The following RAVER1 variants were observed in gnomAD, a reference collection of about 807,000 sequenced individuals.
RAVER1 encodes ribonucleoprotein, PTB binding 1.
RAVER1 carries 36 observed loss-of-function variants against 68.4 expected under a neutral mutation model. The ratio of observed to expected loss-of-function variants is 0.53; its 90% CI spans 0.40 to 0.70. The LOEUF (loss-of-function observed/expected upper bound fraction) is 0.70. Ranked by LOEUF, RAVER1 falls within the 30% of genes least tolerant of loss-of-function variation. The pLI is 0.00. For missense variants in RAVER1, 933 were observed against 1,019.8 expected, an observed-to-expected ratio of 0.91 and a Z score of 1.16; for synonymous variants, 469 against 472.7, an observed-to-expected ratio of 0.99 and a Z score of 0.10.
At chr19:10,318,655 C>T (rs888795360) in intron 10 of RAVER1, among the ~76,000 whole-genome samples, 3 of 152,280 alleles carry the variant, frequency 2.0e-5, no homozygotes, top group South Asian at 2.1e-4. Flanking sequence ...CCACCATGCC[C>T]GGCAGTTCTG....
In RAVER1 at chr19:10,323,705, C is replaced by T. The variant is rs981280125; in HGVS notation, c.757-139G>A. ...GGCCTCCACTGCCCTGTGCCTCATT[C>T]CTGCATCAGCTCATCTGATTTTCCC... On this transcript the variant is annotated intron_variant, in intron 3 of 12. Transcript: ENST00000617231. The surrounding 1 kb of genome is among the most constrained non-coding windows in gnomAD (Gnocchi z 6.2). The T allele has an allele frequency of 1.1e-4, 93 of 828,602 alleles. No homozygotes were observed. Among genetic ancestry groups the T allele is most frequent in the Middle Eastern group, 1.1e-3 (3 of 2,794 alleles). The allele number at this position is 828,602 out of a possible 1,614,324, so 51.3% of individuals were successfully genotyped here. A position where few individuals can be genotyped will look rare whatever the true frequency, so the allele number is the denominator to read the frequency against.
Position 10,321,185 on chromosome 19 carries a change from C to T in RAVER1, c.1336G>A (p.Ala446Thr). ...CCCAGGGCCTCCCGGTCACCCCCAG[C>T]AGGGCCAAGCACGGATGGCAGCAGG... is the stretch of plus-strand genomic sequence containing the variant. ...PPLLPSVLGP[A>T]GGDREALGLG... The change falls in exon 8 of 13, where the codon GCT becomes ACT. Residue 446 changes from alanine (A) to threonine (T), a missense_variant. Coordinates refer to ENST00000617231, the MANE Select transcript of RAVER1 (RefSeq NM_133452.3). The T allele has an allele frequency of 4.7e-6, 6 of 1,288,730 alleles. No individual in the cohort carries two copies. The highest frequency in any genetic ancestry group is 5.9e-6 in the Non-Finnish European group (6 of 1,015,390). 79.8% of individuals were successfully genotyped at this position (1,288,730 alleles called of 1,614,324 possible).
At chr19:10,324,622 G>A (rs58091133) in intron 3 of RAVER1, among the ~76,000 whole-genome samples, 1 of 152,082 alleles carries the variant, frequency 6.6e-6, no homozygotes, top group Non-Finnish European at 1.5e-5. Context: ...CAAGCGATCC[G>A]CCTGCCTTGG....
At position 10,329,539 on chromosome 19, in the gene RAVER1, A is replaced by G. The variant is rs1307958859; in HGVS notation, c.287-428T>C. Among the ~76,000 whole-genome samples, 1 of 152,042 alleles carries G rather than the reference A, an allele frequency of 6.6e-6. No individual in the cohort carries two copies. The highest frequency in any genetic ancestry group is 1.5e-5 in the Non-Finnish European group (1 of 68,004). On this transcript the variant is annotated intron_variant, in intron 2 of 12. Coordinates refer to ENST00000617231, the MANE Select transcript of RAVER1 (RefSeq NM_133452.3). This position sits in a 1 kb window ranked among gnomAD's most constrained non-coding sequence, Gnocchi z 4.6. ...CATCACAATCACCATTTTGCCAGAGAGGAAACGGGCCCAGAGCAGCACCCC... is the reference window on the plus strand; with the variant it reads ...CATCACAATCACCATTTTGCCAGAGGGGAAACGGGCCCAGAGCAGCACCCC...
intron 9 of RAVER1, among the ~76,000 whole-genome samples, chr19:10,320,232 G>A (rs1026570085): frequency 5.9e-5 from 9 of 151,962 alleles, no homozygotes; most frequent in Admixed American, 3.3e-4. Context: ...GGCTGGGCGC[G>A]GTGGCTCTTG....
At chr19:10,330,021 G>A (rs2040501893) in intron 2 of RAVER1, among the ~76,000 whole-genome samples, 1 of 151,968 alleles carries the variant, frequency 6.6e-6, no homozygotes, top group Non-Finnish European at 1.5e-5. Flanking sequence ...TACTCGGGAG[G>A]CTGAAGCAGG....
intron 2 of RAVER1, 108 bp downstream of exon 2, chr19:10,330,352 G>A (rs1291066402): frequency 8.2e-6 from 5 of 608,748 alleles, no homozygotes; most frequent in South Asian, 5.9e-5. Flanking sequence ...ATGTTGGCCT[G>A]GGGGGCAATA....
Position 10,323,488 on chromosome 19 carries a change from G to T in RAVER1, c.835C>A (p.Gln279Lys). 6.2e-7 allele frequency: 1 copy of T among 1,609,724 alleles called. No individual in the cohort carries two copies. ...AGGGACAGGCCGTCCGCCTGCTGCTGTGCCTCCTCCGCCATCTCAGCCGTC... is the reference window on the plus strand; with the variant it reads ...AGGGACAGGCCGTCCGCCTGCTGCTTTGCCTCCTCCGCCATCTCAGCCGTC... ...YETAEMAEEA[Q>K]QQADGLSLGG... is the part of the protein sequence containing the mutation. The change falls in exon 4 of 13, where the codon CAG becomes AAG. Residue 279 changes from glutamine (Q) to lysine (K), a missense_variant. Physicochemically the swap from Gln to Lys is moderately conservative, Grantham distance 53 (BLOSUM62 1). This residue lies in a region of RAVER1 where 699 missense variants were observed against 731.1 expected (regional missense o/e 0.96). Coordinates refer to ENST00000617231, the MANE Select transcript of RAVER1 (RefSeq NM_133452.3). This position sits in a 1 kb window ranked among gnomAD's most constrained non-coding sequence, Gnocchi z 6.2.
At chr19:10,330,939 C>G (rs1004789695) in intron 1 of RAVER1, among the ~76,000 whole-genome samples, 3 of 151,930 alleles carry the variant, frequency 2.0e-5, no homozygotes, top group Non-Finnish European at 4.4e-5. Flanking sequence ...TGGCGCACAC[C>G]TGTAATCCTA....
In RAVER1 at chr19:10,322,576, C is replaced by T. The variant is rs574126348; in HGVS notation, c.1173+69G>A. The stretch of plus-strand genomic sequence containing the variant: ...CCAGAGGTCCCCCCACCCCACCGAT[C>T]GCACCAGCTGTGTTGAAAAGAGCCT... On this transcript the variant is annotated intron_variant, in intron 6 of 12. Transcript: ENST00000617231. The surrounding 1 kb of genome is among the most constrained non-coding windows in gnomAD (Gnocchi z 4.3). The T allele has an allele frequency of 2.0e-5, 23 of 1,152,476 alleles. No individual in the cohort carries two copies. Among genetic ancestry groups the T allele is most frequent in the East Asian group, 1.5e-4 (5 of 32,750 alleles). 71.4% of individuals were successfully genotyped at this position (1,152,476 alleles called of 1,614,324 possible). A position where few individuals can be genotyped will look rare whatever the true frequency, so the allele number is the denominator to read the frequency against.
At position 10,333,023 on chromosome 19, in the gene RAVER1, C is replaced by T. The variant is rs182959130; in HGVS notation, c.219+266G>A. ...AGGACCAAAGCTGTCCGCCCCCTTC[C>T]ATTCCCCGCCCGCTTCCATCACTTG... On this transcript the variant is annotated intron_variant, in intron 1 of 12. Transcript: ENST00000617231. The surrounding 1 kb of genome is among the most constrained non-coding windows in gnomAD (Gnocchi z 4.2). 1.3e-5 allele frequency among the ~76,000 whole-genome samples: 2 copies of T among 152,294 alleles called. No individual in the cohort carries two copies. The highest frequency in any genetic ancestry group is 4.8e-5 in the African/African-American group (2 of 41,572).
In RAVER1 at chr19:10,317,484, G is replaced by A. The variant is rs1416191058; in HGVS notation, c.2190C>T (p.Asp730=). ...AAATCCTCTTCCGCTTCAGGTAGGA[G>A]TCCGCGTAGTGGCCGCCGAGGCCCT... is the stretch of plus-strand genomic sequence containing the variant. ...HSQGLGGHYA[D]SYLKRKRIF is the part of the protein sequence containing the mutation. The change falls in exon 13 of 13, where the codon GAC becomes GAT. Residue 730 remains aspartate (D), a synonymous_variant. Coordinates refer to ENST00000617231, the MANE Select transcript of RAVER1 (RefSeq NM_133452.3). The surrounding 1 kb of genome is among the most constrained non-coding windows in gnomAD (Gnocchi z 4.3). 6.2e-6 allele frequency: 10 copies of A among 1,613,756 alleles called. No individual in the cohort carries two copies. Among genetic ancestry groups the A allele is most frequent in the Non-Finnish European group, 8.5e-6 (10 of 1,179,730 alleles).
chr19:10,332,109 C>T (rs974555142), intron 1 of RAVER1, among the ~76,000 whole-genome samples: 5 of 152,194 alleles, frequency 3.3e-5, no homozygotes, highest in Non-Finnish European at 5.9e-5. Flanking sequence ...ATCCTCCCAC[C>T]TCAGCCTCCT....
At position 10,320,838 on chromosome 19, in the gene RAVER1, C is replaced by A. The variant is rs1309246156; in HGVS notation, c.1587G>T (p.Trp529Cys). Residue 529 changes from tryptophan (W) to cysteine (C), a missense_variant, in exon 9 of 13, where the codon TGG becomes TGT. Trp to Cys is a radical substitution (Grantham distance 215). Coordinates refer to ENST00000617231, the MANE Select transcript of RAVER1 (RefSeq NM_133452.3). ...GGCGGCGGCTTCTCCCGGCGCCTCC[C>A]CAGCCCCGGGCCTCCTTACCCGCCA... ...SNLAGKEARG[W>C]GGAGRSRRPA... is the part of the protein sequence containing the mutation. 3 of 1,517,396 alleles carry A rather than the reference C, an allele frequency of 2.0e-6. No homozygotes were observed. The highest frequency in any genetic ancestry group is 1.3e-5 in the South Asian group (1 of 77,042). The allele number at this position is 1,517,396 out of a possible 1,614,324, so 94.0% of individuals were successfully genotyped here. A position where few individuals can be genotyped will look rare whatever the true frequency, so the allele number is the denominator to read the frequency against.
At chr19:10,321,492 A>G in intron 7 of RAVER1, 39 bp downstream of exon 7, 2 of 1,326,428 alleles carry the variant, frequency 1.5e-6, no homozygotes, top group Non-Finnish European at 9.7e-7. Context: ...AGGAAGGGGA[A>G]GTGGCTGGGG....
In RAVER1 at chr19:10,323,939, G is replaced by A. The variant is rs571873896; in HGVS notation, c.757-373C>T. 3.9e-4 allele frequency among the ~76,000 whole-genome samples: 60 copies of A among 152,136 alleles called. No homozygotes were observed. Among genetic ancestry groups the A allele is most frequent in the African/African-American group, 1.3e-3 (53 of 41,506 alleles). On this transcript the variant is annotated intron_variant, in intron 3 of 12. Transcript: ENST00000617231. This position sits in a 1 kb window ranked among gnomAD's most constrained non-coding sequence, Gnocchi z 6.2. ...CGAGGCGGGCAGATAACCTGAGGTCGGGAGTTCGAGACCAGCCTGACCAAC... is the reference window on the plus strand; with the variant it reads ...CGAGGCGGGCAGATAACCTGAGGTCAGGAGTTCGAGACCAGCCTGACCAAC...
chr19:10,329,238 G>A lies in RAVER1; in HGVS notation c.287-127C>T, dbSNP rs1261304051. The A allele has an allele frequency of 3.1e-5, 20 of 639,106 alleles. 1 individual carries two copies. The highest frequency in any genetic ancestry group is 4.5e-5 in the Non-Finnish European group (17 of 376,750). 39.6% of individuals were successfully genotyped at this position (639,106 alleles called of 1,614,324 possible). On this transcript the variant is annotated intron_variant, in intron 2 of 12. Transcript: ENST00000617231. This position sits in a 1 kb window ranked among gnomAD's most constrained non-coding sequence, Gnocchi z 4.6. ...TCTCAGGTGCCTGCTGATCTGAGCA[G>A]TTGCCAGCCTTGGCGACTCACACAG...
intron 3 of RAVER1, among the ~76,000 whole-genome samples, chr19:10,324,298 G>A (rs994230925): frequency 2.6e-5 from 4 of 152,186 alleles, no homozygotes; most frequent in African/African-American, 9.7e-5. Context: ...GGCAGCAAAG[G>A]TGCAGGTAGC....
Position 10,320,927 on chromosome 19 carries a change from TG to T in RAVER1, c.1497del (p.Lys500ArgfsTer7). ...PPGVSLLGEP[P>X]KDYRIPLNPY... The stretch of plus-strand genomic sequence containing the variant: ...GGATTCAGGGGAATCCGGTAGTCCT[TG>T]GGGGGCTCCCCCAGCAGTGAGACCT... On this transcript the variant is annotated frameshift_variant, in exon 9 of 13. Coordinates refer to ENST00000617231, the MANE Select transcript of RAVER1 (RefSeq NM_133452.3). LOFTEE classifies it high-confidence loss of function. 1.3e-6 allele frequency: 2 copies of T among 1,495,942 alleles called. No homozygotes were observed. Among genetic ancestry groups the T allele is most frequent in the Non-Finnish European group, 1.8e-6 (2 of 1,128,506 alleles). 92.7% of individuals were successfully genotyped at this position (1,495,942 alleles called of 1,614,324 possible). A position where few individuals can be genotyped will look rare whatever the true frequency, so the allele number is the denominator to read the frequency against.
Sources: allele counts gnomAD v4.1 joint callset (sites outside exome capture counted in the v4.1 genomes callset), GRCh38; gene constraint gnomAD v4.1.1; regional missense constraint gnomAD v4.1.1; non-coding constraint Gnocchi (gnomAD v3.1); transcripts MANE v1.5; gene names NCBI Gene and HGNC (gene_info 2026-07-23, HGNC 2026-07-21).